Variants in MVB12A observed in about 807,000 individuals in gnomAD.
MVB12A encodes multivesicular body subunit 12A, also known as CIN85/CD2AP family binding protein.
MVB12A carries 30 observed loss-of-function variants against 34.3 expected under a neutral mutation model. The ratio of observed to expected loss-of-function variants is 0.88; its 90% CI spans 0.65 to 1.19. The LOEUF (loss-of-function observed/expected upper bound fraction) is 1.19. MVB12A is among the 50% of genes most tolerant of loss of function. The probability of loss-of-function intolerance (pLI) is 0.00; values close to 1 mark genes in which losing one functional copy is unlikely to be tolerated. For missense variants in MVB12A, 355 were observed against 369.2 expected, an observed-to-expected ratio of 0.96 and a Z score of 0.31; for synonymous variants, 158 against 158.9, an observed-to-expected ratio of 0.99 and a Z score of 0.04.
intron 2 of MVB12A, among the ~76,000 whole-genome samples, chr19:17,410,593 C>CATATATATATATACACGTAT (rs1319736997): frequency 7.9e-6 from 1 of 126,042 alleles, no homozygotes; most frequent in African/African-American, 3.6e-5. Context: ...TATATACACA[C>CATATATATATATACACGTAT]ATATATATAT....
At position 17,420,057 on chromosome 19, in the gene MVB12A, C is replaced by T; in HGVS notation, c.-79C>T. 4 of 663,538 alleles carry T rather than the reference C, an allele frequency of 6.0e-6. No homozygotes were observed. The East Asian group carries it at 2.7e-4, about 44-fold the overall frequency. 41.1% of individuals were successfully genotyped at this position (663,538 alleles called of 1,614,324 possible). A position where few individuals can be genotyped will look rare whatever the true frequency, so the allele number is the denominator to read the frequency against. ...GGCCTTCTGGGAGTTGTAGTTCGGT[C>T]GCGAGCGCTGCCGTCGGGAGGCGCT... On this transcript the variant is annotated 5_prime_UTR_variant, in exon 1 of 9. Coordinates refer to ENST00000317040, the MANE Select transcript of MVB12A (RefSeq NM_138401.4).
chr19:17,424,740 C>G, intron 8 of MVB12A, 63 bp downstream of exon 8: 4 of 1,529,022 alleles, frequency 2.6e-6, no homozygotes, highest in Non-Finnish European at 3.5e-6. Flanking sequence ...GAGGGGCCGG[C>G]ACCCGCCCCT....
chr19:17,416,999 G>A (rs78206414), upstream of MVB12A: 7,712 of 310,012 alleles, frequency 0.025, 257 homozygotes, highest in African/African-American at 0.096. Context: ...GGCATAGAAA[G>A]TTTTTCTCAT....
upstream of MVB12A, among the ~76,000 whole-genome samples, chr19:17,416,387 G>A (rs1346336214): frequency 2.1e-5 from 3 of 144,924 alleles, no homozygotes; most frequent in East Asian, 4.1e-4. Flanking sequence ...TGGGATTACA[G>A]GCTTGAGCCA....
At chr19:17,423,221 T>A (rs1599608651) in intron 4 of MVB12A, among the ~76,000 whole-genome samples, 1 of 147,800 alleles carries the variant, frequency 6.8e-6, no homozygotes, top group African/African-American at 2.5e-5. Flanking sequence ...AAAAATTAGC[T>A]GGGCATGGTT....
chr19:17,423,398 G>A (rs2074850197), intron 4 of MVB12A, 100 bp from the exon 5 acceptor site: 1 of 1,395,862 alleles, frequency 7.2e-7, no homozygotes, highest in Non-Finnish European at 9.7e-7. Context: ...AAAAGACAGA[G>A]GTCACCTGCA....
At chr19:17,411,949 C>A (rs999599391) in intron 2 of MVB12A, among the ~76,000 whole-genome samples, 1 of 152,210 alleles carries the variant, frequency 6.6e-6, no homozygotes, top group African/African-American at 2.4e-5. Flanking sequence ...TGTAGGAAGT[C>A]GCTGGCCCCA....
At chr19:17,421,262 A>G (rs547688550) in intron 3 of MVB12A, 73 of 342,916 alleles carry the variant, frequency 2.1e-4, no homozygotes, top group African/African-American at 1.5e-3. Flanking sequence ...TCAGCTCACC[A>G]CAACCTCCGA....
Position 17,420,704 on chromosome 19 carries a change from G to A in MVB12A, c.286+70G>A, listed in dbSNP as rs2074833310. ...GGAGGAGCGGGGGAGGAGGGACGAC[G>A]GGCGCGCGGTATCTGAGCCTCGGCT... is the stretch of plus-strand genomic sequence containing the variant. On this transcript the variant is annotated intron_variant, in intron 3 of 8. Coordinates refer to ENST00000317040, the MANE Select transcript of MVB12A (RefSeq NM_138401.4). 4.4e-6 allele frequency: 5 copies of A among 1,144,494 alleles called. No homozygotes were observed. In the Admixed American group the frequency reaches 7.4e-5, roughly 17 times the overall value. The allele number at this position is 1,144,494 out of a possible 1,614,324, so 70.9% of individuals were successfully genotyped here. A position where few individuals can be genotyped will look rare whatever the true frequency, so the allele number is the denominator to read the frequency against.
intron 2 of MVB12A, among the ~76,000 whole-genome samples, chr19:17,412,325 A>G (rs578251890): frequency 3.3e-5 from 5 of 152,106 alleles, no homozygotes; most frequent in African/African-American, 1.2e-4. Flanking sequence ...GGAGTGCAGT[A>G]ATGCAGTCTT....
Position 17,420,360 on chromosome 19 carries a change from C to T in MVB12A, c.138C>T (p.Phe46=), listed in dbSNP as rs1205733461. Residue 46 remains phenylalanine (F), a synonymous_variant, in exon 2 of 9, where the codon TTC becomes TTT. Coordinates refer to ENST00000317040, the MANE Select transcript of MVB12A (RefSeq NM_138401.4). ...CACCCGCCAGCTTTGGCAAGAGCTT[C>T]GCGCAGAAATCTGGCTACTTCCTGT... ...EGAPASFGKS[F]AQKSGYFLCL... is the part of the protein sequence containing the mutation. 6.2e-7 allele frequency: 1 copy of T among 1,613,452 alleles called. No individual in the cohort carries two copies. Among genetic ancestry groups the T allele is most frequent in the Non-Finnish European group, 8.5e-7 (1 of 1,179,784 alleles).
chr19:17,421,389 G>A (rs1233022886), intron 3 of MVB12A, among the ~76,000 whole-genome samples: 2 of 151,660 alleles, frequency 1.3e-5, no homozygotes, highest in African/African-American at 4.8e-5. Context: ...TCTCCATGTT[G>A]GTCAGGCTGG....
At chr19:17,413,078 T>A (rs956861143) in intron 2 of MVB12A, 1 of 152,066 alleles carries the variant, frequency 6.6e-6, no homozygotes, top group Non-Finnish European at 1.5e-5. Flanking sequence ...GAGGGCTTTT[T>A]TTTTTTTTCT....
At chr19:17,410,589 CACACATATATATAT>C (rs1239647557) in intron 2 of MVB12A, among the ~76,000 whole-genome samples, 3 of 129,444 alleles carry the variant, frequency 2.3e-5, no homozygotes, top group East Asian at 4.3e-4. Flanking sequence ...TATATATATA[CACACATATATATAT>C]ACACATATAT....
At chr19:17,410,738 G>A (rs1463136504) in intron 2 of MVB12A, among the ~76,000 whole-genome samples, 1 of 146,142 alleles carries the variant, frequency 6.8e-6, no homozygotes, top group Non-Finnish European at 1.5e-5. Flanking sequence ...AGACCAGCCT[G>A]GCCAACATGG....
At chr19:17,410,495 T>TATATATATATA (rs1252681143) in intron 2 of MVB12A, among the ~76,000 whole-genome samples, 40 of 55,072 alleles carry the variant, frequency 7.3e-4, no homozygotes, top group African/African-American at 1.2e-3. Flanking sequence ...TGGTTTTAGC[T>TATATATATATA]TCATATATAT....
chr19:17,411,234 G>C (rs1017714262), intron 2 of MVB12A, among the ~76,000 whole-genome samples: 1 of 151,942 alleles, frequency 6.6e-6, no homozygotes, highest in Admixed American at 6.6e-5. Flanking sequence ...CCAAAGTTCT[G>C]GGATTACAGG....
upstream of MVB12A, among the ~76,000 whole-genome samples, chr19:17,416,194 G>C (rs1302555847): frequency 2.7e-5 from 4 of 150,648 alleles, no homozygotes; most frequent in Admixed American, 6.6e-5. Context: ...CAATTCTCCT[G>C]CCTCAACCTC....
rs1568387331 is a variant in MVB12A, at chr19:17,410,504, A to ATGTGTGTG, written c.-5+4209_-5+4210insGTGTGTGT. On this transcript the variant is annotated intron_variant, in intron 2 of 6. Transcript: ENST00000528604. ...TTCTTTTGGTTTTAGCTTCATATAT[A>ATGTGTGTG]TATATATATATATATATATATATAT... 9.3e-3 allele frequency among the ~76,000 whole-genome samples: 391 copies of ATGTGTGTG among 42,256 alleles called. 35 individuals carry two copies. Among genetic ancestry groups the ATGTGTGTG allele is most frequent in the African/African-American group, 0.028 (372 of 13,206 alleles). 27.7% of individuals were successfully genotyped at this position (42,256 alleles called of 152,430 possible).
Sources: gnomAD v4.1 joint callset for allele counts (sites outside exome capture counted in the v4.1 genomes callset) on GRCh38, gnomAD v4.1.1 for gene constraint, MANE v1.5 for transcripts, NCBI Gene and HGNC (gene_info 2026-07-23, HGNC 2026-07-21) for gene names.